The following CLSTN2 variants were observed in gnomAD, a reference collection of about 807,000 sequenced individuals.
CLSTN2 encodes calsyntenin 2.
In CLSTN2, 48 loss-of-function variants were observed where a neutral mutation model predicts 101.2. The observed-to-expected ratio is 0.47, with a 90% CI of 0.38 to 0.60. The LOEUF (loss-of-function observed/expected upper bound fraction) is 0.60, where lower values mean the gene tolerates loss of function less well. Ranked by LOEUF, CLSTN2 falls within the 20% of genes least tolerant of loss-of-function variation. CLSTN2 has a pLI of 0.00. For missense variants in CLSTN2, 1,160 were observed against 1,238.2 expected (o/e 0.94, Z 0.95); for synonymous variants, 481 against 463.6 (o/e 1.04, Z -0.48).
At chr3:139,969,328 G>GAT (rs543693630) in intron 1 of CLSTN2, among the ~76,000 whole-genome samples, 2 of 152,162 alleles carry the variant, frequency 1.3e-5, no homozygotes, top group Non-Finnish European at 2.9e-5. Context: ...CCCTGGGTGG[G>GAT]TACTTAATTC....
chr3:140,344,566 T>G (rs552875977), intron 2 of CLSTN2, among the ~76,000 whole-genome samples: 121 of 152,286 alleles, frequency 7.9e-4, no homozygotes, highest in African/African-American at 2.8e-3. Context: ...CCCTTTGACC[T>G]GAAATACCCT....
At chr3:140,069,757 T>C (rs1185212786) in intron 1 of CLSTN2, among the ~76,000 whole-genome samples, 1 of 152,170 alleles carries the variant, frequency 6.6e-6, no homozygotes, top group Non-Finnish European at 1.5e-5. Flanking sequence ...CTCCATCCCA[T>C]GCTGCTTCTC....
chr3:140,403,240 T>C (rs1383125956), intron 2 of CLSTN2, among the ~76,000 whole-genome samples: 2 of 152,096 alleles, frequency 1.3e-5, no homozygotes, highest in Non-Finnish European at 2.9e-5. Flanking sequence ...AAGAGAAAAC[T>C]GCAACTTGGA....
At chr3:140,512,668 A>G (rs141275429) in intron 8 of CLSTN2, among the ~76,000 whole-genome samples, 407 of 152,288 alleles carry the variant, frequency 2.7e-3, no homozygotes, top group Admixed American at 3.3e-3. Flanking sequence ...TGGTAGTTTC[A>G]TGGGAATAGC....
intron 8 of CLSTN2, among the ~76,000 whole-genome samples, chr3:140,517,699 C>T (rs1393566146): frequency 5.3e-5 from 8 of 152,138 alleles, no homozygotes; most frequent in African/African-American, 1.4e-4. Context: ...CCGTGGACAC[C>T]AGTATCTGCT....
chr3:139,951,240 A>G (rs2107810430), intron 1 of CLSTN2, among the ~76,000 whole-genome samples: 1 of 152,302 alleles, frequency 6.6e-6, no homozygotes, highest in Middle Eastern at 3.4e-3. Context: ...CCCAAGAAGT[A>G]TCTCATATGT....
At chr3:140,079,487 C>T (rs530004274) in intron 1 of CLSTN2, among the ~76,000 whole-genome samples, 56 of 152,290 alleles carry the variant, frequency 3.7e-4, no homozygotes, top group Non-Finnish European at 5.0e-4. Flanking sequence ...CAGTGGCTCA[C>T]ACCTGTAATC....
At chr3:140,287,249 T>A (rs1024438794) in intron 2 of CLSTN2, among the ~76,000 whole-genome samples, 1 of 152,168 alleles carries the variant, frequency 6.6e-6, no homozygotes, top group Admixed American at 6.5e-5. Flanking sequence ...AAAATCATTA[T>A]GCTGAGTGAA....
chr3:140,266,335 T>C (rs1329089115), intron 2 of CLSTN2, among the ~76,000 whole-genome samples: 4 of 152,130 alleles, frequency 2.6e-5, no homozygotes, highest in Non-Finnish European at 2.9e-5. Flanking sequence ...ACAGGAACAG[T>C]GAGATCCAAA....
intron 2 of CLSTN2, among the ~76,000 whole-genome samples, chr3:140,276,872 C>G (rs2086799210): frequency 6.6e-6 from 1 of 152,128 alleles, no homozygotes; most frequent in African/African-American, 2.4e-5. Flanking sequence ...TCTGGGCTGC[C>G]TTTCACAAGC....
chr3:140,390,069 T>G (rs546046001), intron 2 of CLSTN2, among the ~76,000 whole-genome samples: 31 of 121,900 alleles, frequency 2.5e-4, no homozygotes, highest in Admixed American at 5.9e-4. Flanking sequence ...GGCCTGGACT[T>G]TTCTTTAAGG....
chr3:140,052,926 G>A (rs980167946), intron 1 of CLSTN2, among the ~76,000 whole-genome samples: 1 of 152,206 alleles, frequency 6.6e-6, no homozygotes, highest in Non-Finnish European at 1.5e-5. Flanking sequence ...TGTGGTTGCA[G>A]CACATTGTTT....
intron 1 of CLSTN2, among the ~76,000 whole-genome samples, chr3:140,083,273 G>GGCAA (rs1203812945): frequency 6.6e-6 from 1 of 152,144 alleles, no homozygotes; most frequent in Admixed American, 6.5e-5. Flanking sequence ...CAGACACAGT[G>GGCAA]GCAAGTCTAC....
At chr3:140,297,273 A>G (rs1313434120) in intron 2 of CLSTN2, among the ~76,000 whole-genome samples, 2 of 152,098 alleles carry the variant, frequency 1.3e-5, no homozygotes, top group Non-Finnish European at 2.9e-5. Flanking sequence ...TCACACAGCC[A>G]CTCTGGGTGC....
At chr3:140,135,111 CACACACATATATATAT>C (rs1427309702) in intron 1 of CLSTN2, among the ~76,000 whole-genome samples, 2 of 52,112 alleles carry the variant, frequency 3.8e-5, no homozygotes, top group African/African-American at 1.2e-4. Context: ...CACACACACA[CACACACATATATATAT>C]ATATATATAT....
chr3:140,028,115 T>C (rs752484497), intron 1 of CLSTN2, among the ~76,000 whole-genome samples: 4 of 152,200 alleles, frequency 2.6e-5, no homozygotes, highest in African/African-American at 9.7e-5. Context: ...TCCACATCCA[T>C]GGGCTCTGCT....
At chr3:140,543,771 T>C (rs1247337589) in intron 9 of CLSTN2, among the ~76,000 whole-genome samples, 1 of 152,070 alleles carries the variant, frequency 6.6e-6, no homozygotes, top group Non-Finnish European at 1.5e-5. Flanking sequence ...AGAGAAAAAA[T>C]GGAAGCTTTT....
chr3:140,415,036 T>C (rs2088412428), intron 4 of CLSTN2, among the ~76,000 whole-genome samples: 1 of 151,240 alleles, frequency 6.6e-6, no homozygotes, highest in African/African-American at 2.4e-5. Flanking sequence ...AATTCACACA[T>C]ATATAGTTAG....
intron 2 of CLSTN2, among the ~76,000 whole-genome samples, chr3:140,396,686 T>A (rs148974882): frequency 2.2e-4 from 34 of 152,314 alleles, no homozygotes; most frequent in African/African-American, 7.9e-4. Context: ...GATAGAGATG[T>A]GGAAATAATT....
Sources: gnomAD v4.1 joint callset for allele counts (sites outside exome capture counted in the v4.1 genomes callset) on GRCh38, gnomAD v4.1.1 for gene constraint, MANE v1.5 for transcripts, NCBI Gene and HGNC (gene_info 2026-07-23, HGNC 2026-07-21) for gene names.